TCP11L1: variants seen among roughly 807,000 people sequenced by gnomAD.
TCP11L1 encodes t-complex 11 like 1.
In TCP11L1, 28 loss-of-function variants were observed where a neutral mutation model predicts 48.9. The ratio of observed to expected loss-of-function variants is 0.57; its 90% confidence interval spans 0.42 to 0.78. TCP11L1 has a LOEUF of 0.78. TCP11L1 is among the 30% of genes least tolerant of loss of function. The pLI, the probability that TCP11L1 is intolerant of heterozygous loss-of-function variation, is 0.00. For synonymous variants in TCP11L1, 204 were observed against 231.9 expected (o/e 0.88, Z 1.09); for missense variants, 505 against 613.4 (o/e 0.82, Z 1.87).
intron 7 of TCP11L1, among the ~76,000 whole-genome samples, chr11:33,061,962 G>A (rs1202947047): frequency 1.3e-5 from 2 of 152,068 alleles, no homozygotes; most frequent in African/African-American, 4.8e-5. Flanking sequence ...GGGGCCTGTA[G>A]CCCCAGCTAC....
At chr11:33,042,385 C>G (rs1853863487) in intron 1 of TCP11L1, among the ~76,000 whole-genome samples, 1 of 152,088 alleles carries the variant, frequency 6.6e-6, no homozygotes, top group Admixed American at 6.5e-5. Flanking sequence ...CTGTTTTAGG[C>G]CTGTTTTAGG....
At position 33,070,120 on chromosome 11, in the gene TCP11L1, TA is replaced by T. The variant is rs796625851; in HGVS notation, c.1327+1273del. On this transcript the variant is annotated intron_variant, in intron 9 of 9. Transcript: ENST00000334274. The stretch of plus-strand genomic sequence containing the variant: ...GTGAGACCCCATCTCTACAAAAAAT[TA>T]AAAAAAAAAAATTAGCCAGGTTAGT... Among the ~76,000 whole-genome samples, 768 of 144,546 alleles carry T rather than the reference TA, an allele frequency of 5.3e-3. 10 individuals are homozygous for T. The highest frequency in any genetic ancestry group is 0.017 in the African/African-American group (677 of 39,674). The allele number at this position is 144,546 out of a possible 152,430, so 94.8% of individuals were successfully genotyped here. A position where few individuals can be genotyped will look rare whatever the true frequency, so the allele number is the denominator to read the frequency against.
At chr11:33,043,234 TG>T (rs55945321) in intron 1 of TCP11L1, among the ~76,000 whole-genome samples, 44,948 of 151,374 alleles carry the variant, frequency 0.3, 6,922 homozygotes, top group East Asian at 0.41. Flanking sequence ...AAACTCCATC[TG>T]GAAAAAAAAA....
chr11:33,041,210 C>A (rs1853822601), intron 1 of TCP11L1: 1 of 152,226 alleles, frequency 6.6e-6, no homozygotes, highest in Non-Finnish European at 1.5e-5. Context: ...TCCCTTTCCT[C>A]CTCACTGCAC....
In TCP11L1 at chr11:33,072,708, C is replaced by T. The variant is rs748314578; in HGVS notation, c.*32C>T. Reference sequence around the variant, plus strand: ...TGCACCCTACAGCAGCAGTATTACTCACTAGCCACAGAATACCTGTTCTGT... The same window carrying T: ...TGCACCCTACAGCAGCAGTATTACTTACTAGCCACAGAATACCTGTTCTGT... On this transcript the variant is annotated 3_prime_UTR_variant, in exon 10 of 10. Coordinates refer to ENST00000334274, the MANE Select transcript of TCP11L1 (RefSeq NM_018393.4). 3 of 1,610,894 alleles carry T rather than the reference C, an allele frequency of 1.9e-6. No individual in the cohort carries two copies. Among genetic ancestry groups the T allele is most frequent in the East Asian group, 2.2e-5 (1 of 44,874 alleles).
At chr11:33,066,337 A>G (rs1564987359) in intron 8 of TCP11L1, among the ~76,000 whole-genome samples, 1 of 152,206 alleles carries the variant, frequency 6.6e-6, no homozygotes, top group East Asian at 1.9e-4. Context: ...GTAGGGAGCC[A>G]TTGAAGGATT....
At chr11:33,063,283 TC>T (rs1271908481) in intron 7 of TCP11L1, among the ~76,000 whole-genome samples, 1 of 152,272 alleles carries the variant, frequency 6.6e-6, no homozygotes, top group Non-Finnish European at 1.5e-5. Flanking sequence ...CTGTGAATAT[TC>T]CAGTACAAGT....
In TCP11L1 at chr11:33,072,741, T is replaced by C. The variant is rs914132000; in HGVS notation, c.*65T>C. 1 of 1,576,878 alleles carries C rather than the reference T, an allele frequency of 6.3e-7. No homozygotes were observed. The highest frequency in any genetic ancestry group is 1.3e-5 in the African/African-American group (1 of 74,228). ...ACAGAATACCTGTTCTGTACTCTAATGTTGCATTGGAAAATGGCTATATAG... is the reference window on the plus strand; with the variant it reads ...ACAGAATACCTGTTCTGTACTCTAACGTTGCATTGGAAAATGGCTATATAG... On this transcript the variant is annotated 3_prime_UTR_variant, in exon 10 of 10. Transcript: ENST00000334274.
At chr11:33,048,145 C>T (rs911823809) in intron 2 of TCP11L1, among the ~76,000 whole-genome samples, 11 of 151,892 alleles carry the variant, frequency 7.2e-5, no homozygotes, top group Admixed American at 3.3e-4. Context: ...CTTTGTATCA[C>T]GTAAGATAAA....
intron 2 of TCP11L1, among the ~76,000 whole-genome samples, chr11:33,051,393 T>G (rs7129800): frequency 2.0e-5 from 3 of 151,772 alleles, no homozygotes; most frequent in Non-Finnish European, 4.4e-5. Flanking sequence ...GGTCTTGTTC[T>G]CCCGACCTTG....
At chr11:33,047,201 G>A (rs1854022610) in intron 2 of TCP11L1, among the ~76,000 whole-genome samples, 1 of 140,646 alleles carries the variant, frequency 7.1e-6, no homozygotes, top group Non-Finnish European at 1.5e-5. Context: ...GGACAAGAGC[G>A]AAACTTCATC....
At chr11:33,065,657 G>A (rs1854593171) in intron 7 of TCP11L1, among the ~76,000 whole-genome samples, 173 bp from the exon 8 acceptor site, 1 of 152,202 alleles carries the variant, frequency 6.6e-6, no homozygotes. Flanking sequence ...TGCTCAGGAG[G>A]AACGGCTCTG....
At chr11:33,041,072 C>T (rs937234519) in intron 1 of TCP11L1, 2 of 152,212 alleles carry the variant, frequency 1.3e-5, no homozygotes, top group Non-Finnish European at 2.9e-5. Context: ...CTAGCCAGCC[C>T]TGCAGGAGTT....
At chr11:33,068,914 G>A (rs898603977) in intron 9 of TCP11L1, 55 bp downstream of exon 9, 8 of 1,575,006 alleles carry the variant, frequency 5.1e-6, no homozygotes, top group South Asian at 2.3e-5. Flanking sequence ...GCTGGAGCAC[G>A]AGTCCATCTG....
At chr11:33,067,836 G>A in intron 8 of TCP11L1, among the ~76,000 whole-genome samples, 1 of 152,254 alleles carries the variant, frequency 6.6e-6, no homozygotes, top group Middle Eastern at 3.4e-3. Context: ...GAGCCTGGGG[G>A]ACCCAGGGTA....
At chr11:33,046,571 A>T (rs908016530) in intron 2 of TCP11L1, among the ~76,000 whole-genome samples, 13 of 152,244 alleles carry the variant, frequency 8.5e-5, no homozygotes, top group Non-Finnish European at 1.3e-4. Flanking sequence ...AAGTTCTCTT[A>T]GTAGTCTGTA....
chr11:33,053,907 G>T (rs953750619), intron 2 of TCP11L1, among the ~76,000 whole-genome samples: 22 of 152,090 alleles, frequency 1.4e-4, no homozygotes, highest in Middle Eastern at 3.4e-3. Flanking sequence ...ATAGCTCACT[G>T]CAGGTTCAAG....
intron 8 of TCP11L1, 95 bp downstream of exon 8, chr11:33,066,106 AG>A: frequency 6.8e-7 from 1 of 1,475,366 alleles, no homozygotes; most frequent in South Asian, 1.3e-5. Flanking sequence ...GGCAGAGCCC[AG>A]GGCCACTCTC....
At chr11:33,045,334 C>T (rs1853957391) in intron 2 of TCP11L1, among the ~76,000 whole-genome samples, 1 of 129,834 alleles carries the variant, frequency 7.7e-6, no homozygotes, top group Non-Finnish European at 1.6e-5. Context: ...GTCTGGGTGA[C>T]AAAGTAAGAC....
Sources: gnomAD v4.1 joint callset for allele counts (sites outside exome capture counted in the v4.1 genomes callset) on GRCh38, gnomAD v4.1.1 for gene constraint, MANE v1.5 for transcripts, NCBI Gene and HGNC (gene_info 2026-07-23, HGNC 2026-07-21) for gene names.